Variants in UCK2 observed in about 807,000 individuals in gnomAD.
UCK2 encodes cytidine monophosphokinase 2.
In UCK2, 6 loss-of-function variants were observed where a neutral mutation model predicts 30.8. That is an observed-to-expected ratio of 0.19 (90% CI 0.11 to 0.38). The LOEUF is 0.38. Among genes scored for constraint, UCK2 ranks in the 10% least tolerant of loss-of-function variants. UCK2 has a pLI of 1.00. For missense variants in UCK2, 210 were observed against 339.8 expected (o/e 0.62, Z 3.00); for synonymous variants, 125 against 133.6 (o/e 0.94, Z 0.45).
At chr1:165,907,663 C>G (rs199953302) in intron 6 of UCK2, 21 bp from the exon 7 acceptor site, 29 of 1,613,330 alleles carry the variant, frequency 1.8e-5, no homozygotes, top group Non-Finnish European at 2.4e-5. Context: ...CCGTAACGCT[C>G]TGCTGGTCTC....
Position 165,908,966 on chromosome 1 carries a change from T to C in UCK2, c.*1143T>C, listed in dbSNP as rs140792557. On this transcript the variant is annotated 3_prime_UTR_variant, in exon 7 of 7. Coordinates refer to ENST00000367879, the MANE Select transcript of UCK2 (RefSeq NM_012474.5). ...AGTAACTTTGGTCAGGGATTCTCAC[T>C]AGCAGCGTCATGGCCAGGATGCTTT... 15 of 152,346 alleles carry C rather than the reference T, an allele frequency of 9.8e-5. No individual in the cohort carries two copies. The highest frequency in any genetic ancestry group is 3.6e-4 in the African/African-American group (15 of 41,564). The allele number at this position is 152,346 out of a possible 1,614,324, so 9.4% of individuals were successfully genotyped here.
chr1:165,864,011 C>T (rs10918298), intron 1 of UCK2, among the ~76,000 whole-genome samples: 1 of 152,008 alleles, frequency 6.6e-6, no homozygotes, highest in Admixed American at 6.5e-5. Context: ...TTTGCTCTGC[C>T]ATCTTGGCTC....
rs35381555 is a variant in UCK2 at position 165,847,238 on chromosome 1, A to G, written c.99+19306A>G. On this transcript the variant is annotated intron_variant, in intron 1 of 6. Transcript: ENST00000367879. ...CTGTGTGTCAATTTTCCTCATCAAT[A>G]AAATGGGTACCAAAGTAGTGCCTGC... Among the ~76,000 whole-genome samples, 1,514 of 152,354 alleles carry G rather than the reference A, an allele frequency of 9.9e-3. 8 individuals are homozygous for G. Among genetic ancestry groups the G allele is most frequent in the Non-Finnish European group, 0.015 (987 of 68,024 alleles).
chr1:165,870,944 A>G (rs1655181911), intron 1 of UCK2, among the ~76,000 whole-genome samples: 1 of 152,172 alleles, frequency 6.6e-6, no homozygotes, highest in Non-Finnish European at 1.5e-5. Flanking sequence ...CAGCCTCCCA[A>G]GTAGCTGGGA....
chr1:165,878,251 T>A (rs2101874651), intron 1 of UCK2, among the ~76,000 whole-genome samples: 1 of 152,286 alleles, frequency 6.6e-6, no homozygotes, highest in African/African-American at 2.4e-5. Flanking sequence ...ATGTGACCTT[T>A]TCAGATTAGC....
chr1:165,877,034 TGGG>T (rs1011014500), intron 1 of UCK2, among the ~76,000 whole-genome samples: 1 of 152,186 alleles, frequency 6.6e-6, no homozygotes, highest in South Asian at 2.1e-4. Flanking sequence ...ATTTTGAGGT[TGGG>T]GGAGTTAGAA....
In UCK2 at chr1:165,890,300, C is replaced by A; in HGVS notation, c.196C>A (p.Arg66Ser). 6.2e-7 allele frequency: 1 copy of A among 1,614,124 alleles called. No individual in the cohort carries two copies. The highest frequency in any genetic ancestry group is 8.5e-7 in the Non-Finnish European group (1 of 1,180,036). Reference sequence around the variant, plus strand: ...CATCCTGAGCCAGGATAGCTTCTACCGTGTCCTTACCTCGGAGCAGAAGGC... The same window carrying A: ...CATCCTGAGCCAGGATAGCTTCTACAGTGTCCTTACCTCGGAGCAGAAGGC... ...VVILSQDSFY[R>S]VLTSEQKAKA... The change falls in exon 2 of 7, where the codon CGT becomes AGT. Residue 66 changes from arginine to serine, a missense_variant. Arg to Ser is a moderately radical substitution (Grantham distance 110). Transcript: ENST00000367879.
chr1:165,880,236 C>T (rs889036104), intron 1 of UCK2, among the ~76,000 whole-genome samples: 8 of 152,164 alleles, frequency 5.3e-5, no homozygotes, highest in African/African-American at 1.9e-4. Context: ...GTCTCATACC[C>T]AGAAGGACTT....
intron 2 of UCK2, chr1:165,890,954 T>C: frequency 2.6e-6 from 1 of 385,612 alleles, no homozygotes; most frequent in Non-Finnish European, 4.8e-6. Flanking sequence ...CAGCTAAACT[T>C]GGAGAGGGGA....
At chr1:165,849,591 T>C (rs573750941) in intron 1 of UCK2, among the ~76,000 whole-genome samples, 74 of 152,338 alleles carry the variant, frequency 4.9e-4, no homozygotes, top group African/African-American at 1.6e-3. Flanking sequence ...GCACTAATTA[T>C]AGTTTTACAC....
At chr1:165,830,566 C>T (rs866419799) in intron 1 of UCK2, among the ~76,000 whole-genome samples, 97 of 151,944 alleles carry the variant, frequency 6.4e-4, no homozygotes, top group African/African-American at 2.3e-3. Context: ...ACCTTGTGAT[C>T]CGCCCGCCTC....
chr1:165,829,340 C>T (rs1653982578), intron 1 of UCK2, among the ~76,000 whole-genome samples: 1 of 152,204 alleles, frequency 6.6e-6, no homozygotes, highest in African/African-American at 2.4e-5. Context: ...AATGCTAGCC[C>T]TTCAGGAAGC....
chr1:165,848,984 C>T (rs556833046), intron 1 of UCK2, among the ~76,000 whole-genome samples: 21 of 151,856 alleles, frequency 1.4e-4, no homozygotes, highest in South Asian at 2.1e-4. Flanking sequence ...GAGCTGGGTG[C>T]GGTGGCTCAG....
intron 3 of UCK2, among the ~76,000 whole-genome samples, chr1:165,893,552 T>G (rs1655820926): frequency 6.6e-6 from 1 of 152,250 alleles, no homozygotes; most frequent in Admixed American, 6.5e-5. Flanking sequence ...AGACATTTAC[T>G]TGTTGCAATT....
intron 1 of UCK2, among the ~76,000 whole-genome samples, chr1:165,856,272 T>C (rs1170212895): frequency 3.9e-5 from 6 of 152,078 alleles, no homozygotes; most frequent in African/African-American, 7.2e-5. Context: ...AATTCTGATA[T>C]CTAGTAAGCT....
intron 1 of UCK2, among the ~76,000 whole-genome samples, chr1:165,875,351 A>G (rs1343246520): frequency 6.6e-6 from 1 of 151,804 alleles, no homozygotes; most frequent in African/African-American, 2.4e-5. Flanking sequence ...ATGTAGGGAA[A>G]CTCTCTGAAA....
chr1:165,906,740 G>A (rs185805507), intron 6 of UCK2, among the ~76,000 whole-genome samples: 1 of 152,344 alleles, frequency 6.6e-6, no homozygotes, highest in African/African-American at 2.4e-5. Context: ...GTGTGGCAGA[G>A]TTGATCTGTA....
intron 1 of UCK2, among the ~76,000 whole-genome samples, chr1:165,887,191 C>T (rs1179640598): frequency 1.3e-5 from 2 of 152,182 alleles, no homozygotes; most frequent in Non-Finnish European, 2.9e-5. Context: ...TAATCATTTA[C>T]ACTGTTAGCA....
chr1:165,855,480 A>G (rs542181851), intron 1 of UCK2, among the ~76,000 whole-genome samples: 189 of 148,630 alleles, frequency 1.3e-3, no homozygotes, highest in African/African-American at 4.4e-3. Flanking sequence ...TTTTACATAT[A>G]TATTCGGTCA....
Sources: allele counts gnomAD v4.1 joint callset (sites outside exome capture counted in the v4.1 genomes callset), GRCh38; gene constraint gnomAD v4.1.1; transcripts MANE v1.5; gene names NCBI Gene and HGNC (gene_info 2026-07-23, HGNC 2026-07-21).